Variants in TOMM20 observed in about 807,000 individuals in gnomAD.
TOMM20 encodes mitochondrial import receptor subunit TOM20 homolog.
A neutral mutation model predicts 22.1 loss-of-function variants in TOMM20; 10 were observed. That is an observed-to-expected ratio of 0.45 (90% CI 0.28 to 0.77). The LOEUF is 0.77. Among genes scored for constraint, TOMM20 ranks in the 30% least tolerant of loss-of-function variants. The probability of loss-of-function intolerance (pLI) is 0.13; values close to 1 mark genes in which losing one functional copy is unlikely to be tolerated. For synonymous variants in TOMM20, 55 were observed against 61.4 expected (o/e 0.90, Z 0.49); for missense variants, 121 against 172.2 (o/e 0.70, Z 1.66).
chr1:235,127,590 T>C lies in TOMM20; in HGVS notation c.121+1005A>G, dbSNP rs532116626. Among the ~76,000 whole-genome samples, 24 of 152,330 alleles carry C rather than the reference T, an allele frequency of 1.6e-4. 1 individual carries two copies. In the South Asian group the frequency reaches 4.8e-3, roughly 30 times the overall value. Reference sequence around the variant, plus strand: ...TAACCACTGTTACTTAAGTAAACAATAATCCCTTCTTTGTACCCCTTGGGC... The same window carrying C: ...TAACCACTGTTACTTAAGTAAACAACAATCCCTTCTTTGTACCCCTTGGGC... On this transcript the variant is annotated intron_variant, in intron 1 of 4. Transcript: ENST00000366607.
At chr1:235,128,515 G>T (rs905767134) in intron 1 of TOMM20, 80 bp downstream of exon 1, 6 of 1,599,916 alleles carry the variant, frequency 3.8e-6, no homozygotes, top group Non-Finnish European at 5.1e-6. Flanking sequence ...CCCACAGGCT[G>T]GTGGGAGGCA....
intron 2 of TOMM20, 67 bp downstream of exon 2, chr1:235,122,259 T>C: frequency 7.5e-7 from 1 of 1,330,004 alleles, no homozygotes; most frequent in East Asian, 2.7e-5. Context: ...TAATTACATT[T>C]CCAATTACAG....
chr1:235,113,278 A>C (rs565753417), intron 4 of TOMM20, among the ~76,000 whole-genome samples: 2 of 152,212 alleles, frequency 1.3e-5, no homozygotes, highest in Non-Finnish European at 2.9e-5. Flanking sequence ...GTCGTCAAAT[A>C]GCTCCAAACT....
chr1:235,114,461 C>T (rs1178021428), intron 3 of TOMM20, among the ~76,000 whole-genome samples: 2 of 132,160 alleles, frequency 1.5e-5, no homozygotes, highest in Admixed American at 1.6e-4. Context: ...TTTTTTGAGA[C>T]AGAGTCTCGC....
intron 2 of TOMM20, among the ~76,000 whole-genome samples, chr1:235,121,698 A>G (rs1445122242): frequency 6.6e-6 from 1 of 152,250 alleles, no homozygotes; most frequent in Non-Finnish European, 1.5e-5. Flanking sequence ...AATAAAAAGG[A>G]AAAGCTGCAA....
At position 235,113,711 on chromosome 1, in the gene TOMM20, T is replaced by C; in HGVS notation, c.393+57A>G. On this transcript the variant is annotated intron_variant, in intron 4 of 4. Coordinates refer to ENST00000366607, the MANE Select transcript of TOMM20 (RefSeq NM_014765.3). ...CACTAGGCTCATTTTAAAATGTCCCTAATCATTCGATTCTAAATCCCACTC... is the reference window on the plus strand; with the variant it reads ...CACTAGGCTCATTTTAAAATGTCCCCAATCATTCGATTCTAAATCCCACTC... 2.6e-6 allele frequency: 4 copies of C among 1,548,194 alleles called. No individual in the cohort carries two copies. The South Asian group carries it at 4.9e-5, about 19-fold the overall frequency.
intron 3 of TOMM20, chr1:235,119,456 G>C (rs768515892): frequency 1.3e-5 from 2 of 159,204 alleles, no homozygotes; most frequent in Non-Finnish European, 2.8e-5. Context: ...TATATTCCTA[G>C]CTCACATTCC....
At chr1:235,125,198 G>C (rs575347865) in intron 1 of TOMM20, among the ~76,000 whole-genome samples, 5 of 150,312 alleles carry the variant, frequency 3.3e-5, no homozygotes, top group African/African-American at 4.9e-5. Context: ...ACAATATAAG[G>C]CTCTCTTCTT....
chr1:235,121,550 G>A (rs756247328), intron 2 of TOMM20, among the ~76,000 whole-genome samples: 4 of 152,148 alleles, frequency 2.6e-5, no homozygotes, highest in Non-Finnish European at 5.9e-5. Context: ...CAGTCAACTA[G>A]CTGTGTTTAC....
intron 1 of TOMM20, among the ~76,000 whole-genome samples, chr1:235,124,878 G>T (rs1227622202): frequency 6.6e-6 from 1 of 152,204 alleles, no homozygotes; most frequent in East Asian, 1.9e-4. Context: ...TAAAGGGACA[G>T]ATGGTAATCA....
rs796382236 is a variant in TOMM20 at position 235,125,916 on chromosome 1, ATTTTT to A, written c.121+2674_121+2678del. ...AGGTGCGTGCCACCACGCCCAGCTAATTTTTTTTTTTTTGTATTTTTAGTAGAGAC... is the reference window on the plus strand; with the variant it reads ...AGGTGCGTGCCACCACGCCCAGCTAATTTTTTTTGTATTTTTAGTAGAGAC... On this transcript the variant is annotated intron_variant, in intron 1 of 4. Coordinates refer to ENST00000366607, the MANE Select transcript of TOMM20 (RefSeq NM_014765.3). Among the ~76,000 whole-genome samples the A allele has an allele frequency of 7.0e-5, 10 of 141,912 alleles. No homozygotes were observed. In the East Asian group the frequency reaches 1.7e-3, roughly 23 times the overall value. The allele number at this position is 141,912 out of a possible 152,430, so 93.1% of individuals were successfully genotyped here. A position where few individuals can be genotyped will look rare whatever the true frequency, so the allele number is the denominator to read the frequency against.
chr1:235,126,969 G>A (rs1661035177), intron 1 of TOMM20, among the ~76,000 whole-genome samples: 1 of 152,106 alleles, frequency 6.6e-6, no homozygotes, highest in African/African-American at 2.4e-5. Flanking sequence ...TTAGGTTGCC[G>A]CTAAATCCAG....
intron 4 of TOMM20, 94 bp from the exon 5 acceptor site, chr1:235,112,202 G>C (rs1321170922): frequency 9.9e-7 from 1 of 1,009,016 alleles, no homozygotes; most frequent in African/African-American, 1.6e-5. Context: ...TCAAAGAATT[G>C]AATCTTAGTA....
At chr1:235,117,429 C>G (rs896460322) in intron 3 of TOMM20, among the ~76,000 whole-genome samples, 11 of 150,598 alleles carry the variant, frequency 7.3e-5, no homozygotes, top group African/African-American at 2.7e-4. Context: ...CTGCACTCCA[C>G]CCACTGCACT....
At chr1:235,116,878 G>A (rs973173060) in intron 3 of TOMM20, among the ~76,000 whole-genome samples, 7 of 152,126 alleles carry the variant, frequency 4.6e-5, no homozygotes, top group Non-Finnish European at 8.8e-5. Flanking sequence ...GCTCAAGCCT[G>A]TAATCCCAGC....
intron 1 of TOMM20, 86 bp downstream of exon 1, chr1:235,128,509 C>G: frequency 6.3e-7 from 1 of 1,594,846 alleles, no homozygotes; most frequent in South Asian, 1.1e-5. Context: ...GCGCGGCCCA[C>G]AGGCTGGTGG....
chr1:235,115,160 A>C (rs1660809741), intron 3 of TOMM20, among the ~76,000 whole-genome samples: 1 of 152,082 alleles, frequency 6.6e-6, no homozygotes, highest in African/African-American at 2.4e-5. Context: ...TACAGGCATG[A>C]GCCACTGCAC....
At chr1:235,120,202 T>C (rs1417063173) in intron 2 of TOMM20, among the ~76,000 whole-genome samples, 1 of 152,228 alleles carries the variant, frequency 6.6e-6, no homozygotes, top group Admixed American at 6.5e-5. Flanking sequence ...ATGCCATTAT[T>C]GTAGATTTTT....
At position 235,119,924 on chromosome 1, in the gene TOMM20, G is replaced by A. The variant is rs762418852; in HGVS notation, c.169-25C>T. On this transcript the variant is annotated intron_variant, in intron 2 of 4. Transcript: ENST00000366607. ...ACTGGAAATAAAATATTTAATAAAT[G>A]ACACCACAATTATGCCAGGGGATAT... is the stretch of plus-strand genomic sequence containing the variant. 19 of 1,515,322 alleles carry A rather than the reference G, an allele frequency of 1.3e-5. No individual in the cohort carries two copies. In the East Asian group the frequency reaches 4.3e-4, roughly 34 times the overall value. The allele number at this position is 1,515,322 out of a possible 1,614,324, so 93.9% of individuals were successfully genotyped here. A position where few individuals can be genotyped will look rare whatever the true frequency, so the allele number is the denominator to read the frequency against.
Sources: gnomAD v4.1 joint callset for allele counts (sites outside exome capture counted in the v4.1 genomes callset) on GRCh38, gnomAD v4.1.1 for gene constraint, MANE v1.5 for transcripts, NCBI Gene and HGNC (gene_info 2026-07-23, HGNC 2026-07-21) for gene names.